Variants in MOGS observed in about 807,000 individuals in gnomAD.
MOGS encodes the protein mannosyl-oligosaccharide glucosidase, also known as epididymis secretory sperm binding protein.
MOGS carries 45 observed loss-of-function variants against 68.5 expected under a neutral mutation model. The observed-to-expected ratio is 0.66, with a 90% CI of 0.52 to 0.84. MOGS has a LOEUF of 0.84. Among genes scored for constraint, MOGS ranks in the 40% least tolerant of loss-of-function variants. The pLI is 0.00. For synonymous variants in MOGS, 492 were observed against 461.2 expected (o/e 1.07, Z -0.86); for missense variants, 1,020 against 1,095.0 (o/e 0.93, Z 0.97).
Position 74,461,469 on chromosome 2 carries a change from C to A in MOGS, c.2320G>T (p.Gly774Cys). ...GALHHYGHLE[G>C]PHQARAAKLH... ...TTGGCAGCCCGAGCCTGGTGAGGAC[C>A]CTCCAGATGCCCATAGTGGTGGAGT... is the stretch of plus-strand genomic sequence containing the variant. Residue 774 changes from glycine to cysteine, a missense_variant, in exon 4 of 4, where the codon GGT (glycine) becomes TGT (cysteine). Gly to Cys is a radical substitution (Grantham distance 159). Transcript: ENST00000448666. 6.2e-7 allele frequency: 1 copy of A among 1,614,176 alleles called. No homozygotes were observed. The highest frequency in any genetic ancestry group is 8.5e-7 in the Non-Finnish European group (1 of 1,180,040).
Position 74,461,419 on chromosome 2 carries a change from G to T in MOGS, c.2370C>A (p.Asn790Lys). 2.5e-6 allele frequency: 4 copies of T among 1,614,226 alleles called. No individual in the cohort carries two copies. Among genetic ancestry groups the T allele is most frequent in the Non-Finnish European group, 3.4e-6 (4 of 1,180,048 alleles). The change falls in exon 4 of 4, where the codon AAC becomes AAA. Residue 790 changes from asparagine to lysine, a missense_variant. Physicochemically the swap from Asn to Lys is moderately conservative, Grantham distance 94. This residue lies in a region of MOGS where 270 missense variants were observed against 261.3 expected (regional missense o/e 1.03). Transcript: ENST00000448666. Reference sequence around the variant, plus strand: ...ACTGGCGCCATACATTGCCTACCACGTTGGCACGGAGCTCACCGTGGAGTT... The same window carrying T: ...ACTGGCGCCATACATTGCCTACCACTTTGGCACGGAGCTCACCGTGGAGTT... ...AAKLHGELRA[N>K]VVGNVWRQYQ...
chr2:74,463,472 G>A, intron 2 of MOGS, 86 bp from the exon 3 acceptor site: 6 of 1,383,088 alleles, frequency 4.3e-6, no homozygotes, highest in Non-Finnish European at 5.1e-6. Context: ...CTTAGTGAGG[G>A]AAAGGAACAG....
intron 2 of MOGS, 21 bp from the exon 3 acceptor site, chr2:74,463,407 G>C (rs777494086): frequency 6.2e-6 from 10 of 1,608,880 alleles, no homozygotes; most frequent in Non-Finnish European, 7.7e-6. Flanking sequence ...AACGAGGACA[G>C]AAAAGAACAG....
chr2:74,463,627 C>CCTG, intron 2 of MOGS: 1 of 486,614 alleles, frequency 2.1e-6, no homozygotes, highest in Non-Finnish European at 3.7e-6. Context: ...ATGTCCTACA[C>CCTG]TAAGAACTCT....
rs1277398958 is a variant in MOGS at position 74,462,489 on chromosome 2, G to C, written c.1300C>G (p.Leu434Val). ...GACCGGGAGGGCACTGCTGTAAAAA[G>C]AGGTACGGGTGGAAAGAGGGCTGGG... is the stretch of plus-strand genomic sequence containing the variant. ...VDPALFPPVP[L>V]FTAVPSRSFF... Residue 434 changes from leucine to valine, a missense_variant, in exon 4 of 4, where the codon CTT (leucine) becomes GTT (valine). Physicochemically the swap from Leu to Val is conservative, Grantham distance 32. Coordinates refer to ENST00000448666, the MANE Select transcript of MOGS (RefSeq NM_006302.3). 6.2e-6 allele frequency: 10 copies of C among 1,609,308 alleles called. No individual in the cohort carries two copies. Among genetic ancestry groups the C allele is most frequent in the Non-Finnish European group, 8.5e-6 (10 of 1,176,794 alleles).
At position 74,464,568 on chromosome 2, in the gene MOGS, G is replaced by A; in HGVS notation, c.507C>T (p.Thr169=). 2 of 1,614,142 alleles carry A rather than the reference G, an allele frequency of 1.2e-6. No homozygotes were observed. Among genetic ancestry groups the A allele is most frequent in the South Asian group, 1.1e-5 (1 of 91,080 alleles). The change falls in exon 2 of 4, where the codon ACC becomes ACT. Residue 169 remains threonine, a synonymous_variant. Coordinates refer to ENST00000448666, the MANE Select transcript of MOGS (RefSeq NM_006302.3). ...CCCCAGGCCTCTTGACGAACTCAGT[G>A]GTGAGCCTTAAGGCCCCATCCTGGA... is the stretch of plus-strand genomic sequence containing the variant. ...QHIQDGALRL[T]TEFVKRPGGQ...
In MOGS at chr2:74,461,346, G is replaced by T. The variant is rs748007212; in HGVS notation, c.2443C>A (p.Arg815=). Reference sequence around the variant, plus strand: ...TGGAAAGGGCGGCAGCCCATGCCTCGCCCATCGCGGTCACTGTACTGCTCC... The same window carrying T: ...TGGAAAGGGCGGCAGCCCATGCCTCTCCCATCGCGGTCACTGTACTGCTCC... The part of the protein sequence containing the change: ...LWEQYSDRDG[R]GMGCRPFHGW... Residue 815 remains arginine, a synonymous_variant, in exon 4 of 4, where the codon CGA becomes AGA. Coordinates refer to ENST00000448666, the MANE Select transcript of MOGS (RefSeq NM_006302.3). 8.7e-6 allele frequency: 14 copies of T among 1,613,984 alleles called. No homozygotes were observed. Among genetic ancestry groups the T allele is most frequent in the Non-Finnish European group, 1.1e-5 (13 of 1,180,056 alleles).
At position 74,465,232 on chromosome 2, in the gene MOGS, G is replaced by A. The variant is rs1455548957; in HGVS notation, c.16C>T (p.Arg6Trp). ...TCTGCCGGCACTGCGCGGCGCCGCC[G>A]CTCGCCCCGAGCCATCCTGGCACTG... is the stretch of plus-strand genomic sequence containing the variant. MARGE[R>W]RRRAVPAEGV... The change falls in exon 1 of 4, where the codon CGG (arginine) becomes TGG (tryptophan). Residue 6 changes from arginine (R) to tryptophan (W), a missense_variant. Physicochemically the swap from Arg to Trp is moderately radical, Grantham distance 101. Transcript: ENST00000448666. 1 of 1,444,416 alleles carries A rather than the reference G, an allele frequency of 6.9e-7. No individual in the cohort carries two copies. Among genetic ancestry groups the A allele is most frequent in the South Asian group, 1.5e-5 (1 of 66,246 alleles). The allele number at this position is 1,444,416 out of a possible 1,614,324, so 89.5% of individuals were successfully genotyped here.
rs867538037 is a variant in MOGS, at chr2:74,464,905, G to A, written c.343C>T (p.Leu115Phe). Residue 115 changes from leucine to phenylalanine, a missense_variant, in exon 1 of 4, where the codon CTC (leucine) becomes TTC (phenylalanine). Physicochemically the swap from Leu to Phe is conservative, Grantham distance 22. Around this residue, in one of 3 missense-constraint regions of MOGS, gnomAD observed 569 missense variants for 571.9 expected, o/e 0.99. Transcript: ENST00000448666. ...FGMKTRSPKPLLTGLMWAQQG... is the reference protein window; with the variant it reads ...FGMKTRSPKPFLTGLMWAQQG... ...CCTGGGGCCCGGTTACCGGTGAGGA[G>A]GGGCTTCGGGCTGCGGGTCTTCATG... 1.2e-6 allele frequency: 2 copies of A among 1,605,726 alleles called. No homozygotes were observed. Among genetic ancestry groups the A allele is most frequent in the Non-Finnish European group, 1.7e-6 (2 of 1,175,832 alleles).
chr2:74,463,405 C>T lies in MOGS; in HGVS notation c.580-19G>A. On this transcript the variant is annotated intron_variant, in intron 2 of 3. Transcript: ENST00000448666. ...CTGAGTCCTGAGTGACCAACGAGGA[C>T]AGAAAAGAACAGTGTTAGATTGGCA... 1 of 1,608,818 alleles carries T rather than the reference C, an allele frequency of 6.2e-7. No homozygotes were observed. Among genetic ancestry groups the T allele is most frequent in the Non-Finnish European group, 8.5e-7 (1 of 1,175,396 alleles).
Position 74,462,867 on chromosome 2 carries a change from C to T in MOGS, c.922G>A (p.Asp308Asn). ...LGLPGSLKWE[D>N]RGPSGQGQGQ... Reference sequence around the variant, plus strand: ...TGCCCTTGCCCACTTGGACCTCTGTCCTCCCACTTCAGGGATCCTGGCAAG... The same window carrying T: ...TGCCCTTGCCCACTTGGACCTCTGTTCTCCCACTTCAGGGATCCTGGCAAG... Residue 308 changes from aspartate (D) to asparagine (N), a missense_variant, in exon 4 of 4, where the codon GAC (aspartate) becomes AAC (asparagine). Physicochemically the swap from Asp to Asn is conservative, Grantham distance 23. Transcript: ENST00000448666. 2 of 1,614,224 alleles carry T rather than the reference C, an allele frequency of 1.2e-6. No individual in the cohort carries two copies. The highest frequency in any genetic ancestry group is 1.7e-6 in the Non-Finnish European group (2 of 1,180,054).
In MOGS at chr2:74,462,095, C is replaced by T. The variant is rs777861500; in HGVS notation, c.1694G>A (p.Arg565Gln). 2.5e-6 allele frequency: 4 copies of T among 1,613,988 alleles called. No homozygotes were observed. Among genetic ancestry groups the T allele is most frequent in the East Asian group, 2.2e-5 (1 of 44,892 alleles). The change falls in exon 4 of 4, where the codon CGG (arginine) becomes CAG (glutamine). Residue 565 changes from arginine to glutamine, a missense_variant. By Grantham distance (43) the Arg-to-Gln change is conservative (BLOSUM62 1). This residue lies in a region of MOGS where 181 missense variants were observed against 261.8 expected (regional missense o/e 0.69). Coordinates refer to ENST00000448666, the MANE Select transcript of MOGS (RefSeq NM_006302.3). Reference sequence around the variant, plus strand: ...CAGTAAGGTTGGTAAGGCAGGGTCCCGTCCCCGCCAGCGGTAAGATAGTGG... The same window carrying T: ...CAGTAAGGTTGGTAAGGCAGGGTCCTGTCCCCGCCAGCGGTAAGATAGTGG... ...PLPLSYRWRG[R>Q]DPALPTLLNP... is the part of the protein sequence containing the mutation.
At position 74,464,653 on chromosome 2, in the gene MOGS, T is replaced by TC; in HGVS notation, c.421dup (p.Asp141GlyfsTer31). 1 of 1,613,940 alleles carries TC rather than the reference T, an allele frequency of 6.2e-7. No homozygotes were observed. The highest frequency in any genetic ancestry group is 8.5e-7 in the Non-Finnish European group (1 of 1,179,998). On this transcript the variant is annotated frameshift_variant, in exon 2 of 4. Coordinates refer to ENST00000448666, the MANE Select transcript of MOGS (RefSeq NM_006302.3). LOFTEE classifies it high-confidence loss of function. Reference sequence around the variant, plus strand: ...CTCCCAGCCATAGGGACCCACACCGTCCCCCTGCTCACACGTGTGCCTGAG... The same window carrying TC: ...CTCCCAGCCATAGGGACCCACACCGTCCCCCCTGCTCACACGTGTGCCTGAG...
At position 74,465,176 on chromosome 2, in the gene MOGS, C is replaced by A. The variant is rs1465993142; in HGVS notation, c.72G>T (p.Arg24=). 3 of 1,532,108 alleles carry A rather than the reference C, an allele frequency of 2.0e-6. No individual in the cohort carries two copies. Among genetic ancestry groups the A allele is most frequent in the African/African-American group, 2.8e-5 (2 of 71,588 alleles). The allele number at this position is 1,532,108 out of a possible 1,614,324, so 94.9% of individuals were successfully genotyped here. ...GGCCGTCCCGTCGCCCGGGGCCTCCCCGAGCCGCCCTCTCGGCTGTCCGCA... is the reference window on the plus strand; with the variant it reads ...GGCCGTCCCGTCGCCCGGGGCCTCCACGAGCCGCCCTCTCGGCTGTCCGCA... ...EGVRTAERAA[R]GGPGRRDGRG... is the part of the protein sequence containing the mutation. Residue 24 remains arginine, a synonymous_variant, in exon 1 of 4, where the codon CGG becomes CGT. Coordinates refer to ENST00000448666, the MANE Select transcript of MOGS (RefSeq NM_006302.3).
rs751842309 is a variant in MOGS at position 74,462,361 on chromosome 2, C to T, written c.1428G>A (p.Gly476=). 1.2e-6 allele frequency: 2 copies of T among 1,613,972 alleles called. No individual in the cohort carries two copies. The highest frequency in any genetic ancestry group is 1.7e-6 in the Non-Finnish European group (2 of 1,180,022). ...LTREALGHWL[G]LLNADGWIGR... ...CAATCCAGCCATCAGCATTTAGCAG[C>T]CCCAGCCAGTGGCCAAGGGCTTCCC... Residue 476 remains glycine, a synonymous_variant, in exon 4 of 4, where the codon GGG becomes GGA. Transcript: ENST00000448666.
At position 74,462,501 on chromosome 2, in the gene MOGS, GAA is replaced by G. The variant is rs760974731; in HGVS notation, c.1286_1287del (p.Phe429SerfsTer23). 1.1e-5 allele frequency: 17 copies of G among 1,608,062 alleles called. No homozygotes were observed. Among genetic ancestry groups the G allele is most frequent in the Non-Finnish European group, 1.4e-5 (16 of 1,175,992 alleles). Reference protein sequence around the residue: ...GSEQKVDPALFPPVPLFTAVP... With the variant: ...GSEQKVDPALXPPVPLFTAVP... ...ACTGCTGTAAAAAGAGGTACGGGTG[GAA>G]AGAGGGCTGGGTCCACCTTCTGCTC... On this transcript the variant is annotated frameshift_variant, in exon 4 of 4. Coordinates refer to ENST00000448666, the MANE Select transcript of MOGS (RefSeq NM_006302.3). LOFTEE classifies it high-confidence loss of function.
chr2:74,462,837 G>A lies in MOGS; in HGVS notation c.952C>T (p.Gln318Ter). Reference sequence around the variant, plus strand: ...AGGGTCACCTGCTGTATCAAGAACTGCCCCTGCCCTTGCCCACTTGGACCT... The same window carrying A: ...AGGGTCACCTGCTGTATCAAGAACTACCCCTGCCCTTGCCCACTTGGACCT... ...DRGPSGQGQG[Q>*]FLIQQVTLKI... Residue 318 changes from glutamine (Q) to a stop codon, truncating the protein, a stop_gained, in exon 4 of 4, where the codon CAG (glutamine) becomes TAG (stop). Transcript: ENST00000448666. LOFTEE classifies it high-confidence loss of function. 1 of 1,614,194 alleles carries A rather than the reference G, an allele frequency of 6.2e-7. No homozygotes were observed. The highest frequency in any genetic ancestry group is 8.5e-7 in the Non-Finnish European group (1 of 1,180,042).
At position 74,462,751 on chromosome 2, in the gene MOGS, A is replaced by G; in HGVS notation, c.1038T>C (p.Asn346=). 6.2e-7 allele frequency: 1 copy of G among 1,614,158 alleles called. No homozygotes were observed. The highest frequency in any genetic ancestry group is 8.5e-7 in the Non-Finnish European group (1 of 1,180,028). ...TGCCTGCCAGTCTTGGCAGGGCTTGATTTCCTCCTGCCTGGGCACTGCCTG... is the reference window on the plus strand; with the variant it reads ...TGCCTGCCAGTCTTGGCAGGGCTTGGTTTCCTCCTGCCTGGGCACTGCCTG... ...FESGSAQAGG[N]QALPRLAGSL... Residue 346 remains asparagine, a synonymous_variant, in exon 4 of 4, where the codon AAT becomes AAC. Coordinates refer to ENST00000448666, the MANE Select transcript of MOGS (RefSeq NM_006302.3).
chr2:74,461,157 T>C lies in MOGS; in HGVS notation c.*118A>G. 1 of 1,132,688 alleles carries C rather than the reference T, an allele frequency of 8.8e-7. No homozygotes were observed. 70.2% of individuals were successfully genotyped at this position (1,132,688 alleles called of 1,614,324 possible). ...GATGACAGCAAGGAGACACCTGAGATGAAATGAGGAAGGTTTGAATTACTG... is the reference window on the plus strand; with the variant it reads ...GATGACAGCAAGGAGACACCTGAGACGAAATGAGGAAGGTTTGAATTACTG... On this transcript the variant is annotated 3_prime_UTR_variant, in exon 4 of 4. Coordinates refer to ENST00000448666, the MANE Select transcript of MOGS (RefSeq NM_006302.3).
Sources: allele counts gnomAD v4.1 joint callset, GRCh38; gene constraint gnomAD v4.1.1; regional missense constraint gnomAD v4.1.1; transcripts MANE v1.5; gene names NCBI Gene and HGNC (gene_info 2026-07-23, HGNC 2026-07-21).